Variants in MGAT4C observed in about 807,000 individuals in gnomAD.
The protein encoded by MGAT4C is alpha-1,3-mannosyl-glycoprotein 4-beta-N-acetylglucosaminyltransferase C.
Under a neutral mutation model 40.1 loss-of-function variants are expected in MGAT4C, and 19 were observed. The observed-to-expected ratio is 0.47, with a 90% CI of 0.33 to 0.70. The LOEUF is 0.70. Among genes scored for constraint, MGAT4C ranks in the 30% least tolerant of loss-of-function variants. The pLI is 0.02. For missense variants in MGAT4C, 491 were observed against 563.2 expected (o/e 0.87, Z 1.30); for synonymous variants, 181 against 187.1 (o/e 0.97, Z 0.27).
chr12:86,777,165 T>A (rs1951761534), intron 1 of MGAT4C, among the ~76,000 whole-genome samples: 1 of 152,168 alleles, frequency 6.6e-6, no homozygotes, highest in Non-Finnish European at 1.5e-5. Flanking sequence ...ATTTTTTAAA[T>A]CAACAGATAA....
intron 1 of MGAT4C, among the ~76,000 whole-genome samples, chr12:86,243,096 C>A (rs953766542): frequency 6.6e-6 from 1 of 152,164 alleles, no homozygotes; most frequent in African/African-American, 2.4e-5. Flanking sequence ...AACACTGCAG[C>A]CATTTCTCCA....
At chr12:86,702,315 G>A (rs1950377344) in intron 2 of MGAT4C, among the ~76,000 whole-genome samples, 1 of 152,022 alleles carries the variant, frequency 6.6e-6, no homozygotes, top group South Asian at 2.1e-4. Flanking sequence ...AAAATGCTGG[G>A]ATTATGGGTG....
intron 1 of MGAT4C, among the ~76,000 whole-genome samples, chr12:86,112,255 C>A (rs1241639100): frequency 1.3e-5 from 2 of 151,460 alleles, no homozygotes; most frequent in Non-Finnish European, 3.0e-5. Context: ...TTTCAATATC[C>A]CCTAAATGGT....
chr12:86,236,793 G>A (rs1176894836), intron 1 of MGAT4C, among the ~76,000 whole-genome samples: 4 of 151,910 alleles, frequency 2.6e-5, no homozygotes. Context: ...AGAGGTAACA[G>A]AAATAATTTA....
In MGAT4C at chr12:85,972,400, C is replaced by G. The variant is rs576784419; in HGVS notation, c.*6889G>C. On this transcript the variant is annotated 3_prime_UTR_variant, in exon 5 of 5. Coordinates refer to ENST00000611864, the MANE Select transcript of MGAT4C (RefSeq NM_001351288.2). Reference sequence around the variant, plus strand: ...ATTTGTTCATTTTATTAGCAGATATCAAATGCCCTTTTGAAAATTGAGACT... The same window carrying G: ...ATTTGTTCATTTTATTAGCAGATATGAAATGCCCTTTTGAAAATTGAGACT... The G allele has an allele frequency of 2.7e-5, 4 of 150,770 alleles. No individual in the cohort carries two copies. Among genetic ancestry groups the G allele is most frequent in the African/African-American group, 9.7e-5 (4 of 41,316 alleles). 9.3% of individuals were successfully genotyped at this position (150,770 alleles called of 1,614,324 possible).
At chr12:86,084,583 T>C (rs1871395769) in intron 1 of MGAT4C, among the ~76,000 whole-genome samples, 1 of 151,940 alleles carries the variant, frequency 6.6e-6, no homozygotes, top group African/African-American at 2.4e-5. Flanking sequence ...GAAACATTAG[T>C]GGATGTTAAT....
chr12:86,242,730 T>TTTAGGTAAA (rs1487420293), intron 1 of MGAT4C, among the ~76,000 whole-genome samples: 1 of 151,984 alleles, frequency 6.6e-6, no homozygotes, highest in African/African-American at 2.4e-5. Flanking sequence ...AGCTGTCCCA[T>TTTAGGTAAA]CCAACCTTAC....
At chr12:86,001,489 C>T (rs1019695033) in intron 2 of MGAT4C, 4 of 294,786 alleles carry the variant, frequency 1.4e-5, no homozygotes, top group African/African-American at 6.8e-5. Flanking sequence ...ATCCCAAGCA[C>T]CTACCTTTGA....
At chr12:86,134,490 C>G (rs1476167455) in intron 1 of MGAT4C, among the ~76,000 whole-genome samples, 1 of 151,944 alleles carries the variant, frequency 6.6e-6, no homozygotes, top group African/African-American at 2.4e-5. Context: ...TAAGGACCAC[C>G]CTTCATCCAC....
chr12:85,969,268 G>A lies in MGAT4C; in HGVS notation c.*10021C>T, dbSNP rs1883504628. 1 of 151,646 alleles carries A rather than the reference G, an allele frequency of 6.6e-6. No homozygotes were observed. Among genetic ancestry groups the A allele is most frequent in the Non-Finnish European group, 1.5e-5 (1 of 67,710 alleles). 9.4% of individuals were successfully genotyped at this position (151,646 alleles called of 1,614,324 possible). A position where few individuals can be genotyped will look rare whatever the true frequency, so the allele number is the denominator to read the frequency against. ...AAACACTCAGTTCATGTAAGCTATA[G>A]GCCAATAAACACAACTTTGGGGTTT... On this transcript the variant is annotated 3_prime_UTR_variant, in exon 5 of 5. Transcript: ENST00000611864.
At chr12:86,711,212 T>A (rs1950550755) in intron 2 of MGAT4C, among the ~76,000 whole-genome samples, 1 of 151,994 alleles carries the variant, frequency 6.6e-6, no homozygotes, top group South Asian at 2.1e-4. Context: ...TATAAAATAA[T>A]ACTAATAATT....
At chr12:86,823,481 G>A (rs945974832) in intron 1 of MGAT4C, among the ~76,000 whole-genome samples, 18 of 150,964 alleles carry the variant, frequency 1.2e-4, no homozygotes, top group South Asian at 2.1e-4. Flanking sequence ...AGATAATTAC[G>A]TCTACAGGGC....
chr12:86,351,401 G>A (rs1955158158), intron 3 of MGAT4C, among the ~76,000 whole-genome samples: 1 of 151,792 alleles, frequency 6.6e-6, no homozygotes, highest in Non-Finnish European at 1.5e-5. Context: ...GAATAATCAA[G>A]AACAATGAAA....
intron 4 of MGAT4C, among the ~76,000 whole-genome samples, chr12:86,269,048 ATATATATATATATTCTT>A (rs1952874234): frequency 9.0e-6 from 1 of 110,536 alleles, no homozygotes; most frequent in Non-Finnish European, 2.0e-5. Context: ...ATATATATAT[ATATATATATATATTCTT>A]TTCTTTTAAT....
intron 1 of MGAT4C, among the ~76,000 whole-genome samples, chr12:86,782,859 A>G (rs1049632122): frequency 1.3e-5 from 2 of 151,828 alleles, no homozygotes; most frequent in African/African-American, 4.9e-5. Context: ...TCAGAAACCA[A>G]CCCCGCCAGC....
At chr12:86,198,428 C>T (rs374997857) in intron 1 of MGAT4C, among the ~76,000 whole-genome samples, 1 of 152,134 alleles carries the variant, frequency 6.6e-6, no homozygotes, top group South Asian at 2.1e-4. Flanking sequence ...TTTTTAGTAA[C>T]CTCTACAGTT....
intron 2 of MGAT4C, among the ~76,000 whole-genome samples, chr12:85,998,176 G>T (rs1195999460): frequency 6.6e-6 from 1 of 152,170 alleles, no homozygotes; most frequent in Non-Finnish European, 1.5e-5. Context: ...GCTCTATGTT[G>T]GTCCCTTTCA....
chr12:86,503,852 T>C (rs1958421216), intron 2 of MGAT4C, among the ~76,000 whole-genome samples: 1 of 129,784 alleles, frequency 7.7e-6, no homozygotes, highest in Non-Finnish European at 1.6e-5. Context: ...TGCTACAAAC[T>C]TAAAGCTTCC....
intron 1 of MGAT4C, among the ~76,000 whole-genome samples, chr12:86,835,061 T>G (rs1182396080): frequency 6.6e-6 from 1 of 151,924 alleles, no homozygotes; most frequent in Non-Finnish European, 1.5e-5. Context: ...GTTTCCAAAA[T>G]TTTCCAAATA....
Sources: gnomAD v4.1 joint callset for allele counts (sites outside exome capture counted in the v4.1 genomes callset) on GRCh38, gnomAD v4.1.1 for gene constraint, MANE v1.5 for transcripts, NCBI Gene and HGNC (gene_info 2026-07-23, HGNC 2026-07-21) for gene names.